Variants in CNTNAP2 observed in about 807,000 individuals in gnomAD.
CNTNAP2 encodes contactin associated protein 2.
A neutral mutation model predicts 155.2 loss-of-function variants in CNTNAP2; 98 were observed. The ratio of observed to expected loss-of-function variants is 0.63; its 90% CI spans 0.54 to 0.75. The LOEUF (loss-of-function observed/expected upper bound fraction) is 0.75. CNTNAP2 is among the 30% of genes least tolerant of loss of function. The pLI, the probability that CNTNAP2 is intolerant of heterozygous loss-of-function variation, is 0.00. For missense variants in CNTNAP2, 1,727 were observed against 1,688.1 expected (o/e 1.02, Z -0.40); for synonymous variants, 651 against 631.2 (o/e 1.03, Z -0.47).
chr7:148,325,108 A>C (rs1396237853), intron 21 of CNTNAP2, among the ~76,000 whole-genome samples: 1 of 152,270 alleles, frequency 6.6e-6, no homozygotes, highest in Non-Finnish European at 1.5e-5. Flanking sequence ...GGCAAGCCAG[A>C]TCTCAAGCAA....
chr7:147,106,491 A>G (rs1317357543), intron 4 of CNTNAP2, among the ~76,000 whole-genome samples: 1 of 152,112 alleles, frequency 6.6e-6, no homozygotes, highest in East Asian at 1.9e-4. Context: ...TCACAGTCTC[A>G]GAGAACAGAA....
At chr7:147,193,171 T>A (rs1438674363) in intron 8 of CNTNAP2, among the ~76,000 whole-genome samples, 4 of 152,208 alleles carry the variant, frequency 2.6e-5, no homozygotes, top group Admixed American at 6.5e-5. Flanking sequence ...AGGTTATTCA[T>A]GTATTTTTCT....
At chr7:146,962,877 A>T (rs572298244) in intron 3 of CNTNAP2, 1 of 152,350 alleles carries the variant, frequency 6.6e-6, no homozygotes, top group African/African-American at 2.4e-5. Flanking sequence ...AATTAAGGAC[A>T]TCTGAAAGAT....
At position 147,826,175 on chromosome 7, in the gene CNTNAP2, C is replaced by T. The variant is rs535949822; in HGVS notation, c.2099-77390C>T. ...TGTGAAGGATGAGTTTAGAGAAAGA[C>T]TGAAGCTGAGAACACTAAGAAAATG... On this transcript the variant is annotated intron_variant, in intron 13 of 23. Transcript: ENST00000361727. 7.2e-5 allele frequency among the ~76,000 whole-genome samples: 11 copies of T among 152,168 alleles called. 1 individual carries two copies. In the South Asian group the frequency reaches 2.3e-3, roughly 32 times the overall value.
At chr7:146,425,168 T>A (rs1385441898) in intron 1 of CNTNAP2, among the ~76,000 whole-genome samples, 1 of 152,192 alleles carries the variant, frequency 6.6e-6, no homozygotes, top group Non-Finnish European at 1.5e-5. Context: ...GTTTTTAATT[T>A]ACCTTTGTAT....
intron 1 of CNTNAP2, among the ~76,000 whole-genome samples, chr7:146,448,385 A>G (rs1451730353): frequency 6.8e-6 from 1 of 148,050 alleles, no homozygotes; most frequent in East Asian, 1.9e-4. Flanking sequence ...GGGATAAAGA[A>G]TATAGGATTT....
chr7:147,011,005 A>G (rs1798612912), intron 3 of CNTNAP2, among the ~76,000 whole-genome samples: 1 of 152,042 alleles, frequency 6.6e-6, no homozygotes, highest in Non-Finnish European at 1.5e-5. Context: ...GCCCCATCTG[A>G]GGAAGCTTCA....
chr7:147,582,053 TA>T (rs1800511880), intron 12 of CNTNAP2, among the ~76,000 whole-genome samples: 1 of 152,154 alleles, frequency 6.6e-6, no homozygotes, highest in Non-Finnish European at 1.5e-5. Flanking sequence ...TGAAGTTCTT[TA>T]AGAGACATTG....
At chr7:146,580,022 T>A (rs1054750871) in intron 1 of CNTNAP2, among the ~76,000 whole-genome samples, 12 of 152,086 alleles carry the variant, frequency 7.9e-5, no homozygotes, top group Admixed American at 5.2e-4. Flanking sequence ...CCAAACACAC[T>A]CTTTCCCCTC....
chr7:147,410,059 A>G (rs1376511988), intron 10 of CNTNAP2, among the ~76,000 whole-genome samples: 1 of 152,236 alleles, frequency 6.6e-6, no homozygotes, highest in African/African-American at 2.4e-5. Flanking sequence ...CTGGGTATGT[A>G]ACCAAAGAAT....
intron 8 of CNTNAP2, among the ~76,000 whole-genome samples, chr7:147,175,611 C>T (rs1802323642): frequency 4.6e-5 from 7 of 152,140 alleles, no homozygotes; most frequent in Admixed American, 4.6e-4. Context: ...GAAATAACTT[C>T]ACACATCTAT....
At chr7:146,724,603 G>A (rs1229491437) in intron 1 of CNTNAP2, among the ~76,000 whole-genome samples, 3 of 114,424 alleles carry the variant, frequency 2.6e-5, no homozygotes, top group South Asian at 2.8e-4. Flanking sequence ...ACAGAGTCTC[G>A]CTCTGTCGCC....
intron 1 of CNTNAP2, among the ~76,000 whole-genome samples, chr7:146,764,095 A>T (rs1802152970): frequency 6.6e-6 from 1 of 152,234 alleles, no homozygotes; most frequent in Admixed American, 6.5e-5. Flanking sequence ...AGGGTCAAAA[A>T]TTGCAACATT....
chr7:146,124,927 A>G (rs901995741), intron 1 of CNTNAP2, among the ~76,000 whole-genome samples: 1 of 152,212 alleles, frequency 6.6e-6, no homozygotes, highest in African/African-American at 2.4e-5. Flanking sequence ...GTATAATCCC[A>G]TGAGATTTGG....
chr7:146,382,140 G>A (rs976065326), intron 1 of CNTNAP2, among the ~76,000 whole-genome samples: 4 of 152,202 alleles, frequency 2.6e-5, no homozygotes, highest in African/African-American at 9.6e-5. Context: ...TTATGACAAA[G>A]TAATGCATGA....
In CNTNAP2 at chr7:148,415,638, G is replaced by A; in HGVS notation, c.*22G>A. On this transcript the variant is annotated 3_prime_UTR_variant, in exon 24 of 24. Coordinates refer to ENST00000361727, the MANE Select transcript of CNTNAP2 (RefSeq NM_014141.6). ...TTGAGGGGTGGCTACTTGGCTATGG[G>A]ATAGGGAGGAGGGAATTACTAGGGA... 3 of 1,613,868 alleles carry A rather than the reference G, an allele frequency of 1.9e-6. No individual in the cohort carries two copies. The highest frequency in any genetic ancestry group is 1.1e-5 in the South Asian group (1 of 91,078).
At chr7:146,379,720 C>G (rs886406646) in intron 1 of CNTNAP2, among the ~76,000 whole-genome samples, 17 of 152,096 alleles carry the variant, frequency 1.1e-4, no homozygotes, top group African/African-American at 3.9e-4. Context: ...TCTGTTTGAC[C>G]TAGAGATTGA....
At chr7:147,183,509 C>T (rs977378847) in intron 8 of CNTNAP2, among the ~76,000 whole-genome samples, 1 of 152,056 alleles carries the variant, frequency 6.6e-6, no homozygotes, top group African/African-American at 2.4e-5. Flanking sequence ...CGTTAGTTGC[C>T]TTTTCAGCAT....
chr7:146,330,302 G>GT (rs1801163728), intron 1 of CNTNAP2, among the ~76,000 whole-genome samples: 1 of 152,078 alleles, frequency 6.6e-6, no homozygotes, highest in African/African-American at 2.4e-5. Flanking sequence ...GATTACAGGC[G>GT]TGAGCCACTG....
Sources: gnomAD v4.1 joint callset for allele counts (sites outside exome capture counted in the v4.1 genomes callset) on GRCh38, gnomAD v4.1.1 for gene constraint, MANE v1.5 for transcripts, NCBI Gene and HGNC (gene_info 2026-07-23, HGNC 2026-07-21) for gene names.